Variants in CTNNA3 observed in about 807,000 individuals in gnomAD.
CTNNA3 encodes catenin alpha 3, also known as catenin alpha-3.
Under a neutral mutation model 95.7 loss-of-function variants are expected in CTNNA3, and 76 were observed. The ratio of observed to expected loss-of-function variants is 0.79; its 90% confidence interval spans 0.66 to 0.96. The LOEUF (loss-of-function observed/expected upper bound fraction) is 0.96. Among genes scored for constraint, CTNNA3 ranks in the 40% least tolerant of loss-of-function variants. The pLI is 0.00. For synonymous variants in CTNNA3, 431 were observed against 374.4 expected, an observed-to-expected ratio of 1.15 and a Z score of -1.74; for missense variants, 1,191 against 1,089.8, an observed-to-expected ratio of 1.09 and a Z score of -1.31.
chr10:67,469,538 T>A (rs867042745), intron 5 of CTNNA3, among the ~76,000 whole-genome samples: 2 of 145,328 alleles, frequency 1.4e-5, no homozygotes, highest in South Asian at 4.3e-4. Context: ...ATGTTCTCAC[T>A]CATAAGCGGG....
intron 10 of CTNNA3, among the ~76,000 whole-genome samples, chr10:66,612,153 T>C (rs1342415743): frequency 6.6e-6 from 1 of 152,186 alleles, no homozygotes; most frequent in East Asian, 1.9e-4. Context: ...TCATCTAATT[T>C]GTTTTCAGTT....
rs942683776 is a variant in CTNNA3, at chr10:67,417,384, C to G, written c.579+104458G>C. 1.3e-3 allele frequency among the ~76,000 whole-genome samples: 195 copies of G among 152,196 alleles called. 1 individual carries two copies. Among genetic ancestry groups the G allele is most frequent in the African/African-American group, 4.6e-3 (191 of 41,514 alleles). The stretch of plus-strand genomic sequence containing the variant: ...AGTGGACGGGATCTATACCCCAAAC[C>G]TCGGCATCATGCAATATTCCCATGT... On this transcript the variant is annotated intron_variant, in intron 5 of 17. Transcript: ENST00000433211.
At chr10:67,390,502 C>A (rs1259247922) in intron 5 of CTNNA3, among the ~76,000 whole-genome samples, 1 of 152,044 alleles carries the variant, frequency 6.6e-6, no homozygotes, top group Non-Finnish European at 1.5e-5. Context: ...ACCATTCCTA[C>A]TGAAACTATT....
chr10:65,924,820 G>A (rs950693333), intron 17 of CTNNA3, among the ~76,000 whole-genome samples: 1 of 152,204 alleles, frequency 6.6e-6, no homozygotes, highest in African/African-American at 2.4e-5. Flanking sequence ...TCACAATCAT[G>A]TCTTACATGG....
chr10:66,179,252 A>G (rs1365696113), intron 13 of CTNNA3, among the ~76,000 whole-genome samples: 2 of 152,088 alleles, frequency 1.3e-5, no homozygotes, highest in African/African-American at 4.8e-5. Flanking sequence ...AACGTATGCA[A>G]GAATCTGGAT....
chr10:66,008,199 G>T (rs2078935473), intron 15 of CTNNA3, among the ~76,000 whole-genome samples: 1 of 152,138 alleles, frequency 6.6e-6, no homozygotes, highest in Admixed American at 6.6e-5. Context: ...TATTTAGGAA[G>T]AAAAGAATAG....
At chr10:66,671,024 T>G (rs1038323771) in intron 9 of CTNNA3, among the ~76,000 whole-genome samples, 1 of 152,236 alleles carries the variant, frequency 6.6e-6, no homozygotes, top group Non-Finnish European at 1.5e-5. Flanking sequence ...AAAACAGGAC[T>G]TGGATTTCTT....
At chr10:66,057,325 C>T (rs970613426) in intron 15 of CTNNA3, among the ~76,000 whole-genome samples, 6 of 152,122 alleles carry the variant, frequency 3.9e-5, no homozygotes, top group Non-Finnish European at 7.4e-5. Flanking sequence ...AACCGGTCTG[C>T]CACTTAGGAA....
At chr10:66,974,712 A>T (rs1849929518) in intron 7 of CTNNA3, among the ~76,000 whole-genome samples, 1 of 152,088 alleles carries the variant, frequency 6.6e-6, no homozygotes, top group South Asian at 2.1e-4. Flanking sequence ...CATTTTAATG[A>T]GCAGGAAGTT....
chr10:66,476,647 C>T (rs1482692372), intron 11 of CTNNA3, among the ~76,000 whole-genome samples: 1 of 151,944 alleles, frequency 6.6e-6, no homozygotes, highest in African/African-American at 2.4e-5. Flanking sequence ...TTATAACATA[C>T]TGCAGAAAAA....
chr10:66,022,243 T>C (rs80080127), intron 15 of CTNNA3, among the ~76,000 whole-genome samples: 3,628 of 152,304 alleles, frequency 0.024, 52 homozygotes, highest in Middle Eastern at 0.051. Flanking sequence ...AACCTTCATA[T>C]GCTGAGTTCT....
At chr10:66,520,853 A>G (rs1841041170) in intron 10 of CTNNA3, 80 bp from the exon 11 acceptor site, 1 of 900,382 alleles carries the variant, frequency 1.1e-6, no homozygotes, top group Non-Finnish European at 1.7e-6. Context: ...AAAAGCCCAC[A>G]CTTCACCACT....
In CTNNA3 at chr10:66,685,294, T is replaced by TATATAC. The variant is rs201397766; in HGVS notation, c.1282-63511_1282-63510insGTATAT. 1.0e-3 allele frequency among the ~76,000 whole-genome samples: 92 copies of TATATAC among 88,814 alleles called. 2 individuals carry two copies. The highest frequency in any genetic ancestry group is 3.8e-3 in the African/African-American group (75 of 19,636). The allele number at this position is 88,814 out of a possible 152,430, so 58.3% of individuals were successfully genotyped here. On this transcript the variant is annotated intron_variant, in intron 9 of 17. Transcript: ENST00000433211. ...ATATACGTATATATAAGTATATATA[T>TATATAC]GTGTGTATATATATGTGTGTGTGTA...
At chr10:67,276,808 C>T (rs557638430) in intron 5 of CTNNA3, among the ~76,000 whole-genome samples, 3 of 151,900 alleles carry the variant, frequency 2.0e-5, no homozygotes, top group South Asian at 2.1e-4. Context: ...ATTATTTTTT[C>T]TACTTTTGAT....
At chr10:67,204,350 TG>T (rs1194489705) in intron 6 of CTNNA3, among the ~76,000 whole-genome samples, 1 of 150,016 alleles carries the variant, frequency 6.7e-6, no homozygotes, top group Admixed American at 6.6e-5. Context: ...GAGATCTGCT[TG>T]TTTGAAAGTG....
At chr10:66,108,420 CT>C (rs2081990526) in intron 13 of CTNNA3, among the ~76,000 whole-genome samples, 1 of 152,106 alleles carries the variant, frequency 6.6e-6, no homozygotes, top group African/African-American at 2.4e-5. Context: ...CTATTTACCC[CT>C]TCTTGCAGAC....
chr10:67,231,408 G>C (rs1213284248), intron 5 of CTNNA3, among the ~76,000 whole-genome samples: 1 of 152,206 alleles, frequency 6.6e-6, no homozygotes, highest in Non-Finnish European at 1.5e-5. Context: ...ACCCCTAGCA[G>C]GGGCAGACTG....
chr10:66,585,943 T>A (rs1843347313), intron 10 of CTNNA3, among the ~76,000 whole-genome samples: 1 of 152,174 alleles, frequency 6.6e-6, no homozygotes, highest in South Asian at 2.1e-4. Context: ...TTTAAAAAAA[T>A]TTTCCTCCTT....
intron 13 of CTNNA3, among the ~76,000 whole-genome samples, chr10:66,136,833 T>G (rs994051575): frequency 6.6e-6 from 1 of 152,192 alleles, no homozygotes; most frequent in Admixed American, 6.5e-5. Flanking sequence ...CACATAATTT[T>G]TTTTTTTTGA....
Sources: allele counts gnomAD v4.1 joint callset (sites outside exome capture counted in the v4.1 genomes callset), GRCh38; gene constraint gnomAD v4.1.1; transcripts MANE v1.5; gene names NCBI Gene and HGNC (gene_info 2026-07-23, HGNC 2026-07-21).